Variants in NOS3 observed in about 807,000 individuals in gnomAD.
NOS3 encodes the protein NOS type III.
NOS3 carries 98 observed loss-of-function variants against 144.9 expected under a neutral mutation model. That is an observed-to-expected ratio of 0.68 (90% confidence interval 0.57 to 0.80). The LOEUF (loss-of-function observed/expected upper bound fraction) is 0.80, where lower values mean the gene tolerates loss of function less well. Among genes scored for constraint, NOS3 ranks in the 30% least tolerant of loss-of-function variants. The probability of loss-of-function intolerance (pLI) is 0.00; values close to 1 mark genes in which losing one functional copy is unlikely to be tolerated. For missense variants in NOS3, 1,465 were observed against 1,656.4 expected, an observed-to-expected ratio of 0.88 and a Z score of 2.01; for synonymous variants, 714 against 702.4, an observed-to-expected ratio of 1.02 and a Z score of -0.26.
chr7:151,012,641 G>A, intron 24 of NOS3, 169 bp downstream of exon 24: 2 of 728,284 alleles, frequency 2.7e-6, no homozygotes, highest in South Asian at 4.2e-5. Context: ...GCAAGGGCTG[G>A]GCCCTGAGCT....
At chr7:151,013,607 C>A in intron 25 of NOS3, 117 bp from the exon 26 acceptor site, 1 of 1,083,508 alleles carries the variant, frequency 9.2e-7, no homozygotes, top group Non-Finnish European at 1.3e-6. Flanking sequence ...CCCCAGGGCA[C>A]GCAGGCCCCA....
rs1563227082 is a variant in NOS3, at chr7:151,007,013, C to T, written c.1937+8C>T. 4 of 1,613,470 alleles carry T rather than the reference C, an allele frequency of 2.5e-6. No homozygotes were observed. Among genetic ancestry groups the T allele is most frequent in the Non-Finnish European group, 3.4e-6 (4 of 1,179,530 alleles). ...GGCCCTGGGCACCCTCAGGTCAGGG[C>T]CTCACCAAGAGGGGTGCAACGGGTG... is the stretch of plus-strand genomic sequence containing the variant. On this transcript the variant is annotated splice_region_variant and intron_variant, in intron 16 of 26. Coordinates refer to ENST00000297494, the MANE Select transcript of NOS3 (RefSeq NM_000603.5).
intron 17 of NOS3, among the ~76,000 whole-genome samples, chr7:151,008,179 G>A (rs766396263): frequency 4.6e-5 from 7 of 152,228 alleles, no homozygotes; most frequent in Non-Finnish European, 7.3e-5. Flanking sequence ...CCAGAAGCAG[G>A]AAGGCTGAGC....
intron 14 of NOS3, among the ~76,000 whole-genome samples, chr7:151,004,698 C>T (rs1795179345): frequency 6.6e-6 from 1 of 152,172 alleles, no homozygotes; most frequent in African/African-American, 2.4e-5. Flanking sequence ...ACATACTGTA[C>T]TACAGGGTTC....
chr7:151,010,195 A>G lies in NOS3; in HGVS notation c.2593A>G (p.Ile865Val), dbSNP rs1795273464. ...CCAGGCTCTCACCTTCTTCCTGGACATCACCTCCCCACCCAGCCCTCAGCT... is the reference window on the plus strand; with the variant it reads ...CCAGGCTCTCACCTTCTTCCTGGACGTCACCTCCCCACCCAGCCCTCAGCT... Reference protein sequence around the residue: ...LRQALTFFLDITSPPSPQLLR... With the variant: ...LRQALTFFLDVTSPPSPQLLR... The change falls in exon 21 of 27, where the codon ATC becomes GTC. Residue 865 changes from isoleucine (I) to valine (V), a missense_variant. Transcript: ENST00000297494. 4 of 1,612,298 alleles carry G rather than the reference A, an allele frequency of 2.5e-6. No individual in the cohort carries two copies. The highest frequency in any genetic ancestry group is 2.7e-5 in the African/African-American group (2 of 74,996).
chr7:151,004,825 T>C (rs988372272), intron 14 of NOS3, among the ~76,000 whole-genome samples: 5 of 150,370 alleles, frequency 3.3e-5, no homozygotes, highest in Admixed American at 6.6e-5. Context: ...AGTTGGCTTC[T>C]AGGATGCGGG....
chr7:150,991,279 C>T lies in NOS3; in HGVS notation c.-73C>T, dbSNP rs926980300. 20 of 152,248 alleles carry T rather than the reference C, an allele frequency of 1.3e-4. No individual in the cohort carries two copies. The highest frequency in any genetic ancestry group is 3.9e-4 in the African/African-American group (16 of 41,446). 9.4% of individuals were successfully genotyped at this position (152,248 alleles called of 1,614,324 possible). On this transcript the variant is annotated 5_prime_UTR_variant, in exon 1 of 27. Transcript: ENST00000297494. Reference sequence around the variant, plus strand: ...AAGGCTGGCATCTGGAAGCTGTCAGCCACCAGCACCTTCTGCAGCAGGTAC... The same window carrying T: ...AAGGCTGGCATCTGGAAGCTGTCAGTCACCAGCACCTTCTGCAGCAGGTAC...
chr7:150,995,059 T>C, intron 2 of NOS3, 144 bp from the exon 3 acceptor site: 1 of 558,186 alleles, frequency 1.8e-6, no homozygotes, highest in Non-Finnish European at 3.3e-6. Flanking sequence ...CGCCTCTAGC[T>C]CCTAAGGCAT....
At position 150,993,898 on chromosome 7, in the gene NOS3, C is replaced by A. The variant is rs759672158; in HGVS notation, c.95C>A (p.Ala32Asp). The change falls in exon 2 of 27, where the codon GCC (alanine) becomes GAC (aspartate). Residue 32 changes from alanine to aspartate, a missense_variant. Physicochemically the swap from Ala to Asp is moderately radical, Grantham distance 126. Coordinates refer to ENST00000297494, the MANE Select transcript of NOS3 (RefSeq NM_000603.5). This position sits in a 1 kb window ranked among gnomAD's most constrained non-coding sequence, Gnocchi z 4.0. The stretch of plus-strand genomic sequence containing the variant: ...GGGCTGTGCGGCAAGCAGGGCCCAG[C>A]CACCCCGGCCCCTGAGCCCAGCCGG... The part of the protein sequence containing the change: ...GLGLCGKQGP[A>D]TPAPEPSRAP... 1.1e-5 allele frequency: 18 copies of A among 1,594,062 alleles called. No homozygotes were observed. The South Asian group carries it at 1.9e-4, about 17-fold the overall frequency.
At position 150,993,848 on chromosome 7, in the gene NOS3, C is replaced by G. The variant is rs779537885; in HGVS notation, c.45C>G (p.Cys15Trp). ...KSVAQEPGPPCGLGLGLGLGL... is the reference protein window; with the variant it reads ...KSVAQEPGPPWGLGLGLGLGL... ...TGGCCCAGGAGCCTGGGCCACCCTG[C>G]GGCCTGGGGCTGGGGCTGGGCCTTG... is the stretch of plus-strand genomic sequence containing the variant. The change falls in exon 2 of 27, where the codon TGC becomes TGG. Residue 15 changes from cysteine to tryptophan, a missense_variant. Cys to Trp is a radical substitution (Grantham distance 215, BLOSUM62 -2). Transcript: ENST00000297494. This position sits in a 1 kb window ranked among gnomAD's most constrained non-coding sequence, Gnocchi z 4.0. 2 of 1,601,136 alleles carry G rather than the reference C, an allele frequency of 1.2e-6. No individual in the cohort carries two copies. The highest frequency in any genetic ancestry group is 1.8e-5 in the Admixed American group (1 of 55,628).
intron 10 of NOS3, 91 bp downstream of exon 10, chr7:151,000,690 C>T: frequency 4.8e-6 from 4 of 826,522 alleles, no homozygotes; most frequent in Non-Finnish European, 8.0e-6. Context: ...CATTTAGAAA[C>T]TAGGGCAGGA....
At position 150,993,818 on chromosome 7, in the gene NOS3, G is replaced by A; in HGVS notation, c.15G>A (p.Lys5=). 1.3e-6 allele frequency: 2 copies of A among 1,596,368 alleles called. No individual in the cohort carries two copies. Among genetic ancestry groups the A allele is most frequent in the Non-Finnish European group, 1.7e-6 (2 of 1,175,386 alleles). MGNL[K]SVAQEPGPPC... is the part of the protein sequence containing the mutation. ...CGCACAGTAACATGGGCAACTTGAA[G>A]AGCGTGGCCCAGGAGCCTGGGCCAC... The change falls in exon 2 of 27, where the codon AAG becomes AAA. Residue 5 remains lysine, a synonymous_variant. Transcript: ENST00000297494. This position sits in a 1 kb window ranked among gnomAD's most constrained non-coding sequence, Gnocchi z 4.0.
In NOS3 at chr7:150,993,503, GC is replaced by G. The variant is rs1802298895; in HGVS notation, c.-51-245del. 6.6e-6 allele frequency among the ~76,000 whole-genome samples: 1 copy of G among 152,046 alleles called. No individual in the cohort carries two copies. Among genetic ancestry groups the G allele is most frequent in the African/African-American group, 2.4e-5 (1 of 41,398 alleles). ...TACCCTGCCACTCCCCAATGCCCCA[GC>G]CCCCATGCTGCAGCCCCAGGGCTCT... On this transcript the variant is annotated intron_variant, in intron 1 of 26. Coordinates refer to ENST00000297494, the MANE Select transcript of NOS3 (RefSeq NM_000603.5). This position sits in a 1 kb window ranked among gnomAD's most constrained non-coding sequence, Gnocchi z 4.0.
intron 20 of NOS3, among the ~76,000 whole-genome samples, 196 bp downstream of exon 20, chr7:151,009,781 A>AT: frequency 6.6e-6 from 1 of 152,018 alleles, no homozygotes; most frequent in East Asian, 1.9e-4. Flanking sequence ...ACACCCTCAA[A>AT]TGCACCCCCA....
chr7:151,010,864 C>G (rs755354343), intron 22 of NOS3, 35 bp from the exon 23 acceptor site: 1 of 1,608,108 alleles, frequency 6.2e-7, no homozygotes, highest in East Asian at 2.2e-5. Flanking sequence ...CGGCCCCTCT[C>G]TGGCCCCTCA....
rs749274982 is a variant in NOS3, at chr7:150,998,501, G to T, written c.675-38G>T. Reference sequence around the variant, plus strand: ...CAGCCTTCTTCCCCAAGGCAGGGAAGGCGGGGCTCTGACCAGCTCTTTCCC... The same window carrying T: ...CAGCCTTCTTCCCCAAGGCAGGGAATGCGGGGCTCTGACCAGCTCTTTCCC... On this transcript the variant is annotated intron_variant, in intron 6 of 26. Coordinates refer to ENST00000297494, the MANE Select transcript of NOS3 (RefSeq NM_000603.5). This position sits in a 1 kb window ranked among gnomAD's most constrained non-coding sequence, Gnocchi z 5.0. The T allele has an allele frequency of 6.2e-7, 1 of 1,611,278 alleles. No individual in the cohort carries two copies. The highest frequency in any genetic ancestry group is 1.3e-5 in the African/African-American group (1 of 75,046).
chr7:151,004,392 G>T (rs1319314426), intron 14 of NOS3, among the ~76,000 whole-genome samples: 8 of 152,182 alleles, frequency 5.3e-5, no homozygotes, highest in Non-Finnish European at 7.4e-5. Flanking sequence ...AAATTAAACT[G>T]CCCTTTAACA....
chr7:151,013,532 G>A, intron 25 of NOS3, 153 bp downstream of exon 25: 2 of 1,140,334 alleles, frequency 1.8e-6, no homozygotes, highest in Non-Finnish European at 2.4e-6. Context: ...TTGTGCCCCG[G>A]CCCCTCTAGG....
chr7:150,994,873 T>TC (rs1169668778), intron 2 of NOS3, among the ~76,000 whole-genome samples: 1 of 152,210 alleles, frequency 6.6e-6, no homozygotes, highest in East Asian at 1.9e-4. Context: ...CCAGGCTCTG[T>TC]CCCCCTCAGG....
Sources: allele counts gnomAD v4.1 joint callset (sites outside exome capture counted in the v4.1 genomes callset), GRCh38; gene constraint gnomAD v4.1.1; non-coding constraint Gnocchi (gnomAD v3.1); transcripts MANE v1.5; gene names NCBI Gene and HGNC (gene_info 2026-07-23, HGNC 2026-07-21).